The following CHAF1A variants were observed in gnomAD, a reference collection of about 807,000 sequenced individuals.
The protein encoded by CHAF1A is chromatin assembly factor 1 subunit A, also known as CAF-1 subunit A.
Under a neutral mutation model 93.2 loss-of-function variants are expected in CHAF1A, and 5 were observed. That is an observed-to-expected ratio of 0.05 (90% CI 0.03 to 0.11). The LOEUF (loss-of-function observed/expected upper bound fraction) is 0.11. Ranked by LOEUF, CHAF1A falls within the 10% of genes least tolerant of loss-of-function variation. CHAF1A has a pLI of 1.00. For synonymous variants in CHAF1A, 504 were observed against 510.3 expected (o/e 0.99, Z 0.17); for missense variants, 1,102 against 1,259.9 (o/e 0.87, Z 1.90).
chr19:4,449,340 AC>A, downstream of CHAF1A: 1 of 151,094 alleles, frequency 6.6e-6, no homozygotes. Context: ...TCCACCCACC[AC>A]CCCCCACCCT....
At chr19:4,445,372 C>G, downstream of CHAF1A, 1 of 1,481,024 alleles carries the variant, frequency 6.8e-7, no homozygotes, top group South Asian at 1.3e-5. Context: ...GGCTGGCGCC[C>G]CTCCCGTGCC....
At chr19:4,438,917 G>T (rs2145148514) in intron 13 of CHAF1A, among the ~76,000 whole-genome samples, 1 of 152,298 alleles carries the variant, frequency 6.6e-6, no homozygotes, top group Admixed American at 6.5e-5. Flanking sequence ...GGGAGGCGGA[G>T]CTTGCGGTGA....
chr19:4,423,455 G>A, intron 6 of CHAF1A, 60 bp downstream of exon 6: 3 of 1,608,722 alleles, frequency 1.9e-6, no homozygotes, highest in Non-Finnish European at 2.5e-6. Flanking sequence ...GATGCCCAAA[G>A]TGGAATTCTT....
chr19:4,430,126 G>A (rs1348992022), intron 10 of CHAF1A: 27 of 359,436 alleles, frequency 7.5e-5, no homozygotes, highest in South Asian at 6.0e-4. Flanking sequence ...GCTTTCTGCC[G>A]ATGCTCACCG....
At chr19:4,445,563 C>T (rs776367673), downstream of CHAF1A, 20 of 1,613,714 alleles carry the variant, frequency 1.2e-5, no homozygotes, top group Admixed American at 3.3e-5. Context: ...TCGGCCCCCG[C>T]GGCCTTGATG....
chr19:4,448,042 G>A (rs1029781046), downstream of CHAF1A: 2 of 547,090 alleles, frequency 3.7e-6, no homozygotes, highest in Admixed American at 3.1e-5. Context: ...GGAGTGGGGT[G>A]GGACCCTGCC....
Position 4,405,923 on chromosome 19 carries a change from A to C in CHAF1A, c.64A>C (p.Lys22Gln). ...ACTTTTATTTGCAGCCATGGATTGC[A>C]AAGATAGACCAGCTTTTCCAGTTAA... is the stretch of plus-strand genomic sequence containing the variant. The part of the protein sequence containing the change: ...ARGAATAMDC[K>Q]DRPAFPVKKL... The change falls in exon 2 of 15, where the codon AAA becomes CAA. Residue 22 changes from lysine to glutamine, a missense_variant. This residue lies in a region of CHAF1A where 28 missense variants were observed against 56.5 expected (regional missense o/e 0.50). Coordinates refer to ENST00000301280, the MANE Select transcript of CHAF1A (RefSeq NM_005483.3). The C allele has an allele frequency of 6.2e-7, 1 of 1,613,726 alleles. No homozygotes were observed. The highest frequency in any genetic ancestry group is 2.2e-5 in the East Asian group (1 of 44,882).
intron 1 of CHAF1A, among the ~76,000 whole-genome samples, chr19:4,405,254 A>C (rs1045818225): frequency 5.9e-5 from 9 of 152,200 alleles, no homozygotes; most frequent in Non-Finnish European, 1.2e-4. Context: ...CGTAATAAAC[A>C]CGAAAGTTTC....
chr19:4,437,623 T>A (rs749597077), intron 13 of CHAF1A, among the ~76,000 whole-genome samples: 1 of 152,206 alleles, frequency 6.6e-6, no homozygotes, highest in African/African-American at 2.4e-5. Context: ...ATAAAGCTGC[T>A]GACTGATGCT....
chr19:4,446,290 G>A (rs779379763), downstream of CHAF1A: 7 of 1,572,774 alleles, frequency 4.5e-6, no homozygotes, highest in East Asian at 6.9e-5. Flanking sequence ...CACCCTGCAG[G>A]AGGCAGCCAT....
chr19:4,410,527 C>T (rs570047387), intron 3 of CHAF1A, among the ~76,000 whole-genome samples: 32 of 151,822 alleles, frequency 2.1e-4, no homozygotes, highest in South Asian at 6.2e-4. Context: ...ATTACAGGTG[C>T]GCACCACCAC....
At chr19:4,435,087 C>CTTTTTTTTTTTTTTTTTTTT (rs869255408) in intron 13 of CHAF1A, among the ~76,000 whole-genome samples, 20 of 87,962 alleles carry the variant, frequency 2.3e-4, no homozygotes, top group Non-Finnish European at 2.4e-4. Context: ...CTTTTTTTTC[C>CTTTTTTTTTTTTTTTTTTTT]TTTTTTTTTT....
At chr19:4,421,315 T>A (rs1205788054) in intron 4 of CHAF1A, among the ~76,000 whole-genome samples, 1 of 151,824 alleles carries the variant, frequency 6.6e-6, no homozygotes, top group African/African-American at 2.4e-5. Context: ...CTCAAGCAAT[T>A]TGTCTGCCTC....
rs1017422526 is a variant in CHAF1A, at chr19:4,402,796, G to T, written c.34G>T (p.Ala12Ser). The T allele has an allele frequency of 5.1e-5, 61 of 1,205,358 alleles. No individual in the cohort carries two copies. Among genetic ancestry groups the T allele is most frequent in the Non-Finnish European group, 6.1e-5 (59 of 970,946 alleles). The allele number at this position is 1,205,358 out of a possible 1,614,324, so 74.7% of individuals were successfully genotyped here. A position where few individuals can be genotyped will look rare whatever the true frequency, so the allele number is the denominator to read the frequency against. ...LEELECGAPG[A>S]RGAATAMDCK... ...GGAGCTGGAGTGCGGGGCGCCCGGC[G>T]CCAGGGGAGCCGCCACAGGTCGGTT... The change falls in exon 1 of 15, where the codon GCC (alanine) becomes TCC (serine). Residue 12 changes from alanine to serine, a missense_variant. By Grantham distance (99) the Ala-to-Ser change is moderately conservative (BLOSUM62 1). This residue lies in a region of CHAF1A where 28 missense variants were observed against 56.5 expected (regional missense o/e 0.50). Coordinates refer to ENST00000301280, the MANE Select transcript of CHAF1A (RefSeq NM_005483.3).
At chr19:4,416,613 G>A (rs1272378184) in intron 3 of CHAF1A, among the ~76,000 whole-genome samples, 3 of 151,430 alleles carry the variant, frequency 2.0e-5, no homozygotes, top group Non-Finnish European at 4.4e-5. Flanking sequence ...AGAGTTGGCT[G>A]GGCGCGGTGG....
At position 4,409,464 on chromosome 19, in the gene CHAF1A, A is replaced by G. The variant is rs1237758243; in HGVS notation, c.665A>G (p.Gln222Arg). The G allele has an allele frequency of 3.1e-6, 5 of 1,614,024 alleles. No homozygotes were observed. The highest frequency in any genetic ancestry group is 2.2e-5 in the East Asian group (1 of 44,890). ...SGPRMCPRKE[Q>R]DSWSEAGGIL... is the part of the protein sequence containing the mutation. ...CCGAGAATGTGCCCCAGAAAGGAGC[A>G]GGACAGTTGGAGTGAAGCTGGGGGC... Residue 222 changes from glutamine (Q) to arginine (R), a missense_variant, in exon 3 of 15, where the codon CAG (glutamine) becomes CGG (arginine). Around this residue, in one of 6 missense-constraint regions of CHAF1A, gnomAD observed 379 missense variants for 365.7 expected, o/e 1.04. Coordinates refer to ENST00000301280, the MANE Select transcript of CHAF1A (RefSeq NM_005483.3).
rs1364103690 is a variant in CHAF1A, at chr19:4,409,459, G to A, written c.660G>A (p.Lys220=). Residue 220 remains lysine, a synonymous_variant, in exon 3 of 15, where the codon AAG becomes AAA. Transcript: ENST00000301280. ...LTSGPRMCPR[K]EQDSWSEAGG... Reference sequence around the variant, plus strand: ...GTGGCCCGAGAATGTGCCCCAGAAAGGAGCAGGACAGTTGGAGTGAAGCTG... The same window carrying A: ...GTGGCCCGAGAATGTGCCCCAGAAAAGAGCAGGACAGTTGGAGTGAAGCTG... 1.9e-6 allele frequency: 3 copies of A among 1,613,990 alleles called. No homozygotes were observed. The highest frequency in any genetic ancestry group is 2.5e-6 in the Non-Finnish European group (3 of 1,180,016).
chr19:4,406,069 CCTT>C (rs1397238788), intron 2 of CHAF1A, 107 bp downstream of exon 2: 11 of 880,846 alleles, frequency 1.2e-5, no homozygotes, highest in Admixed American at 7.9e-5. Flanking sequence ...GAGAAACAGT[CCTT>C]CTTCAGACCA....
At chr19:4,425,740 A>T (rs1974069624) in intron 7 of CHAF1A, among the ~76,000 whole-genome samples, 1 of 152,204 alleles carries the variant, frequency 6.6e-6, no homozygotes, top group African/African-American at 2.4e-5. Flanking sequence ...CCAAGTAAGC[A>T]TGAGTTCACC....
Sources: gnomAD v4.1 joint callset for allele counts (sites outside exome capture counted in the v4.1 genomes callset) on GRCh38, gnomAD v4.1.1 for gene constraint, gnomAD v4.1.1 regional missense constraint, MANE v1.5 for transcripts, NCBI Gene and HGNC (gene_info 2026-07-23, HGNC 2026-07-21) for gene names.